Variants in MVB12B observed in about 807,000 individuals in gnomAD.
The protein encoded by MVB12B is multivesicular body subunit 12B.
In MVB12B, 16 loss-of-function variants were observed where a neutral mutation model predicts 41.6. The observed-to-expected ratio is 0.38, with a 90% CI of 0.26 to 0.58. The LOEUF (loss-of-function observed/expected upper bound fraction) is 0.58. MVB12B is among the 20% of genes least tolerant of loss of function. The probability of loss-of-function intolerance (pLI) is 0.62; values close to 1 mark genes in which losing one functional copy is unlikely to be tolerated. For missense variants in MVB12B, 274 were observed against 380.2 expected, an observed-to-expected ratio of 0.72 and a Z score of 2.32; for synonymous variants, 133 against 139.7, an observed-to-expected ratio of 0.95 and a Z score of 0.34.
intron 7 of MVB12B, among the ~76,000 whole-genome samples, chr9:126,445,863 C>T (rs1832752589): frequency 6.6e-6 from 1 of 152,196 alleles, no homozygotes; most frequent in Non-Finnish European, 1.5e-5. Context: ...TTCCAATAGC[C>T]TCCAGTTTAT....
At chr9:126,429,220 A>G (rs115543635) in intron 7 of MVB12B, among the ~76,000 whole-genome samples, 1,686 of 152,294 alleles carry the variant, frequency 0.011, 29 homozygotes, top group African/African-American at 0.039. Context: ...ACCCTTGTCT[A>G]TCCATCTCCT....
chr9:126,424,535 A>T (rs894113052), intron 7 of MVB12B, among the ~76,000 whole-genome samples: 1 of 152,152 alleles, frequency 6.6e-6, no homozygotes, highest in East Asian at 1.9e-4. Flanking sequence ...GGTGTCTGGG[A>T]CCACCACCTC....
intron 6 of MVB12B, among the ~76,000 whole-genome samples, chr9:126,421,544 T>C (rs1161352252): frequency 6.6e-6 from 1 of 152,206 alleles, no homozygotes; most frequent in African/African-American, 2.4e-5. Flanking sequence ...GGCAGAGATC[T>C]GGATCAAACT....
chr9:126,336,934 C>T (rs1035865092), intron 1 of MVB12B, among the ~76,000 whole-genome samples: 4 of 152,134 alleles, frequency 2.6e-5, no homozygotes, highest in African/African-American at 9.7e-5. Flanking sequence ...TGATGACCTG[C>T]GAGGTGAAAG....
intron 7 of MVB12B, among the ~76,000 whole-genome samples, chr9:126,463,007 C>T (rs1833120230): frequency 6.6e-6 from 1 of 152,216 alleles, no homozygotes; most frequent in Admixed American, 6.5e-5. Context: ...CTGCTATTTC[C>T]AGATCAAAGC....
Position 126,386,576 on chromosome 9 carries a change from C to T in MVB12B, c.327C>T (p.Asn109=), listed in dbSNP as rs769776964. The change falls in exon 4 of 10, where the codon AAC becomes AAT. Residue 109 remains asparagine, a synonymous_variant. Transcript: ENST00000361171. This position sits in a 1 kb window ranked among gnomAD's most constrained non-coding sequence, Gnocchi z 4.3. ...SFSKENSHLG[N]VLVDMKLIDI... ...TTCTTCCCAAGAGTCATCTGGGGAA[C>T]GTGTTAGTAGATATGAAGCTCATTG... 1.5e-5 allele frequency: 25 copies of T among 1,613,080 alleles called. No homozygotes were observed. The highest frequency in any genetic ancestry group is 4.5e-5 in the East Asian group (2 of 44,906).
At chr9:126,439,141 G>A (rs1832569052) in intron 7 of MVB12B, among the ~76,000 whole-genome samples, 1 of 152,022 alleles carries the variant, frequency 6.6e-6, no homozygotes, top group Non-Finnish European at 1.5e-5. Flanking sequence ...TTCATACAGG[G>A]GGCCCTGGAG....
chr9:126,347,876 G>A (rs749174243), intron 2 of MVB12B, among the ~76,000 whole-genome samples: 11 of 152,258 alleles, frequency 7.2e-5, no homozygotes, highest in Admixed American at 2.6e-4. Context: ...CGAAGCTGTG[G>A]TGGGGGGCCT....
chr9:126,445,455 C>T lies in MVB12B; in HGVS notation c.757+23507C>T, dbSNP rs185753622. ...AGTAGCTGGAACTACAGGCACCCACCGCCACACCTGGCTAATTTTTGTATT... is the reference window on the plus strand; with the variant it reads ...AGTAGCTGGAACTACAGGCACCCACTGCCACACCTGGCTAATTTTTGTATT... On this transcript the variant is annotated intron_variant, in intron 7 of 9. Transcript: ENST00000361171. 2.0e-3 allele frequency among the ~76,000 whole-genome samples: 302 copies of T among 152,140 alleles called. 1 individual carries two copies. The highest frequency in any genetic ancestry group is 6.3e-3 in the African/African-American group (261 of 41,490).
At chr9:126,396,416 A>T (rs931555949) in intron 6 of MVB12B, 2 of 985,518 alleles carry the variant, frequency 2.0e-6, no homozygotes, top group East Asian at 2.3e-4. Flanking sequence ...AAGTAAATAA[A>T]ACAAGAACGG....
intron 9 of MVB12B, among the ~76,000 whole-genome samples, chr9:126,492,444 A>G (rs1833752998): frequency 6.6e-6 from 1 of 152,006 alleles, no homozygotes; most frequent in Non-Finnish European, 1.5e-5. Flanking sequence ...GGGCGGGGCT[A>G]TTGGAAGTCC....
intron 7 of MVB12B, among the ~76,000 whole-genome samples, chr9:126,469,506 C>T (rs1365179267): frequency 1.3e-5 from 2 of 152,202 alleles, no homozygotes; most frequent in African/African-American, 4.8e-5. Context: ...GCTCCACAAC[C>T]GAGGGGTGTA....
In MVB12B at chr9:126,471,173, G is replaced by A. The variant is rs1294270238; in HGVS notation, c.758-10196G>A. On this transcript the variant is annotated intron_variant, in intron 7 of 9. Transcript: ENST00000361171. Reference sequence around the variant, plus strand: ...GCTTTCGACATAAAACCGCAGCCTTGCCCCATTTTCTCAGTGGCTGCTGTG... The same window carrying A: ...GCTTTCGACATAAAACCGCAGCCTTACCCCATTTTCTCAGTGGCTGCTGTG... Among the ~76,000 whole-genome samples the A allele has an allele frequency of 2.0e-5, 3 of 152,304 alleles. No homozygotes were observed. The East Asian group carries it at 5.8e-4, about 29-fold the overall frequency.
intron 6 of MVB12B, among the ~76,000 whole-genome samples, chr9:126,405,774 A>G (rs959971142): frequency 8.6e-5 from 13 of 151,716 alleles, no homozygotes; most frequent in African/African-American, 3.1e-4. Context: ...GTAGAATTCA[A>G]TCTGAATATC....
intron 9 of MVB12B, among the ~76,000 whole-genome samples, chr9:126,499,862 C>G (rs1239545628): frequency 1.3e-5 from 2 of 152,186 alleles, no homozygotes; most frequent in Non-Finnish European, 2.9e-5. Context: ...TCCGCCCTCC[C>G]CCAGCCCGCG....
chr9:126,334,992 A>G (rs989672233), intron 1 of MVB12B, among the ~76,000 whole-genome samples: 2 of 152,206 alleles, frequency 1.3e-5, no homozygotes, highest in Admixed American at 6.5e-5. Context: ...TCAAATGGTT[A>G]ATAGAAATTT....
intron 7 of MVB12B, among the ~76,000 whole-genome samples, chr9:126,424,164 T>C (rs562866635): frequency 7.2e-5 from 11 of 152,334 alleles, no homozygotes; most frequent in African/African-American, 2.6e-4. Flanking sequence ...CAAAACAGTG[T>C]AATTAGAAAT....
At chr9:126,425,571 C>G (rs1832153037) in intron 7 of MVB12B, among the ~76,000 whole-genome samples, 1 of 152,178 alleles carries the variant, frequency 6.6e-6, no homozygotes, top group South Asian at 2.1e-4. Flanking sequence ...ACTTCCAGAC[C>G]ACAGATCAAT....
At chr9:126,453,540 G>A (rs187694670) in intron 7 of MVB12B, among the ~76,000 whole-genome samples, 2 of 152,216 alleles carry the variant, frequency 1.3e-5, no homozygotes, top group Non-Finnish European at 2.9e-5. Context: ...GCAGTGGCCT[G>A]TGTATCACCG....
Sources: allele counts gnomAD v4.1 joint callset (sites outside exome capture counted in the v4.1 genomes callset), GRCh38; gene constraint gnomAD v4.1.1; non-coding constraint Gnocchi (gnomAD v3.1); transcripts MANE v1.5; gene names NCBI Gene and HGNC (gene_info 2026-07-23, HGNC 2026-07-21).